The following PTPRN2 variants were observed in gnomAD, a reference collection of about 807,000 sequenced individuals.
PTPRN2 encodes receptor-type tyrosine-protein phosphatase N2.
A neutral mutation model predicts 118.8 loss-of-function variants in PTPRN2; 74 were observed. The observed-to-expected ratio is 0.62, with a 90% confidence interval of 0.52 to 0.76. The LOEUF (loss-of-function observed/expected upper bound fraction) is 0.76. PTPRN2 is among the 30% of genes least tolerant of loss of function. The pLI, the probability that PTPRN2 is intolerant of heterozygous loss-of-function variation, is 0.00. For synonymous variants in PTPRN2, 641 were observed against 608.0 expected (o/e 1.05, Z -0.80); for missense variants, 1,481 against 1,394.4 (o/e 1.06, Z -0.99).
At chr7:158,071,044 G>A (rs1298851392) in intron 11 of PTPRN2, among the ~76,000 whole-genome samples, 18 of 86,356 alleles carry the variant, frequency 2.1e-4, no homozygotes, top group African/African-American at 8.2e-4. Context: ...TTAGTATGGA[G>A]GTGCTCATGG....
chr7:157,947,633 C>T (rs1224794366), intron 11 of PTPRN2, among the ~76,000 whole-genome samples: 3 of 152,096 alleles, frequency 2.0e-5, no homozygotes, highest in South Asian at 4.1e-4. Context: ...AGGAAGCTGA[C>T]GAAATCATGT....
chr7:158,057,591 G>A (rs1809891667), intron 11 of PTPRN2, among the ~76,000 whole-genome samples: 1 of 152,228 alleles, frequency 6.6e-6, no homozygotes, highest in East Asian at 1.9e-4. Flanking sequence ...TGGAGTGGGT[G>A]AGGCAGACGG....
chr7:158,327,370 C>CAT (rs1167911652), intron 2 of PTPRN2, among the ~76,000 whole-genome samples: 1 of 130,202 alleles, frequency 7.7e-6, no homozygotes, highest in Non-Finnish European at 1.7e-5. Flanking sequence ...CATTGTCACA[C>CAT]ACACATTATC....
chr7:157,762,209 G>A (rs368819052), intron 12 of PTPRN2, among the ~76,000 whole-genome samples: 3 of 151,860 alleles, frequency 2.0e-5, no homozygotes, highest in Non-Finnish European at 2.9e-5. Context: ...ATCTAGAACT[G>A]GAAATACCAT....
At chr7:157,778,470 T>C (rs1369232967) in intron 12 of PTPRN2, among the ~76,000 whole-genome samples, 21 of 150,902 alleles carry the variant, frequency 1.4e-4, no homozygotes, top group African/African-American at 2.7e-4. Flanking sequence ...AATACAGGTG[T>C]TGGGTGCCCA....
Position 157,809,030 on chromosome 7 carries a change from T to C in PTPRN2, c.1788+89643A>G, listed in dbSNP as rs182347550. Among the ~76,000 whole-genome samples the C allele has an allele frequency of 6.2e-4, 95 of 152,362 alleles. 1 individual carries two copies. Among genetic ancestry groups the C allele is most frequent in the African/African-American group, 1.9e-3 (80 of 41,580 alleles). On this transcript the variant is annotated intron_variant, in intron 12 of 22. Transcript: ENST00000389418. ...TCCCGAAGTGTGCTGTGTCACTTGCTTTTATGTGGAATGTGGGCAATTTTT... is the reference window on the plus strand; with the variant it reads ...TCCCGAAGTGTGCTGTGTCACTTGCCTTTATGTGGAATGTGGGCAATTTTT...
intron 12 of PTPRN2, among the ~76,000 whole-genome samples, chr7:157,855,150 G>A (rs114783828): frequency 0.034 from 4,921 of 143,162 alleles, 345 homozygotes; most frequent in African/African-American, 0.12. Flanking sequence ...GGGTGTGTGC[G>A]GGGCCGGATC....
chr7:158,013,033 C>T (rs117383846), intron 11 of PTPRN2, among the ~76,000 whole-genome samples: 7,437 of 152,202 alleles, frequency 0.049, 244 homozygotes, highest in Admixed American at 0.083. Context: ...CACCCACAGG[C>T]GGGATGCCAA....
At chr7:157,668,099 C>T (rs895970677) in intron 13 of PTPRN2, among the ~76,000 whole-genome samples, 24 of 152,258 alleles carry the variant, frequency 1.6e-4, no homozygotes, top group Admixed American at 9.8e-4. Context: ...CCTCGCTCGC[C>T]GTAGAGCCGC....
At chr7:158,518,255 T>A (rs560972292) in intron 1 of PTPRN2, among the ~76,000 whole-genome samples, 2 of 151,412 alleles carry the variant, frequency 1.3e-5, no homozygotes, top group Non-Finnish European at 2.9e-5. Flanking sequence ...AGAGACGATA[T>A]GGATTTCACA....
chr7:157,678,190 G>A (rs1484639335), intron 13 of PTPRN2, among the ~76,000 whole-genome samples: 1 of 152,102 alleles, frequency 6.6e-6, no homozygotes, highest in Non-Finnish European at 1.5e-5. Flanking sequence ...AGCAGCATAG[G>A]TTTTGCTTAT....
rs1816757699 is a variant in PTPRN2 at position 158,438,658 on chromosome 7, T to C, written c.163+51077A>G. Among the ~76,000 whole-genome samples, 1 of 152,188 alleles carries C rather than the reference T, an allele frequency of 6.6e-6. No individual in the cohort carries two copies. The highest frequency in any genetic ancestry group is 2.1e-4 in the South Asian group (1 of 4,828). On this transcript the variant is annotated intron_variant, in intron 2 of 22. Coordinates refer to ENST00000389418, the MANE Select transcript of PTPRN2 (RefSeq NM_002847.5). This position sits in a 1 kb window ranked among gnomAD's most constrained non-coding sequence, Gnocchi z 4.7. ...CTGATCGTTGTTGATTTTCCTGGAA[T>C]TTGCTAATGATGAATCGTGCTGTGT...
intron 17 of PTPRN2, among the ~76,000 whole-genome samples, chr7:157,581,702 T>C (rs1422597378): frequency 6.6e-6 from 1 of 152,194 alleles, no homozygotes; most frequent in Admixed American, 6.5e-5. Flanking sequence ...TTAAAAACCA[T>C]ATTGTTGTTT....
At chr7:158,330,818 C>A (rs556486398) in intron 2 of PTPRN2, among the ~76,000 whole-genome samples, 10 of 100,106 alleles carry the variant, frequency 1.0e-4, no homozygotes, top group African/African-American at 1.7e-4. Flanking sequence ...GAGCTGACAC[C>A]CGCAGACGTC....
rs569604492 is a variant in PTPRN2 at position 157,845,523 on chromosome 7, C to T, written c.1788+53150G>A. 9.8e-4 allele frequency among the ~76,000 whole-genome samples: 149 copies of T among 152,316 alleles called. No homozygotes were observed. The highest frequency in any genetic ancestry group is 8.9e-3 in the Admixed American group (136 of 15,294). On this transcript the variant is annotated intron_variant, in intron 12 of 22. Coordinates refer to ENST00000389418, the MANE Select transcript of PTPRN2 (RefSeq NM_002847.5). This position sits in a 1 kb window ranked among gnomAD's most constrained non-coding sequence, Gnocchi z 4.5. ...CACGCAGCCTAACTCAGCATGTTCCCGGCCACATCCCGGTGAACCATGCAG... is the reference window on the plus strand; with the variant it reads ...CACGCAGCCTAACTCAGCATGTTCCTGGCCACATCCCGGTGAACCATGCAG...
At chr7:157,886,797 T>C (rs77920234) in intron 12 of PTPRN2, among the ~76,000 whole-genome samples, 2 of 22,956 alleles carry the variant, frequency 8.7e-5, no homozygotes, top group Non-Finnish European at 1.8e-4. Flanking sequence ...CTGAAGTCCT[T>C]GTCACAGAGA....
chr7:157,746,313 C>T (rs549638438), intron 12 of PTPRN2, among the ~76,000 whole-genome samples: 8 of 149,916 alleles, frequency 5.3e-5, no homozygotes, highest in South Asian at 2.1e-4. Flanking sequence ...ACAGTCCTCA[C>T]GGGGCCCTGA....
intron 1 of PTPRN2, among the ~76,000 whole-genome samples, chr7:158,514,706 T>C (rs963449972): frequency 1.3e-5 from 2 of 152,228 alleles, no homozygotes; most frequent in South Asian, 4.1e-4. Context: ...TTTACTGGAA[T>C]TTGCTTTTTC....
At chr7:158,391,975 C>A (rs546053377) in intron 2 of PTPRN2, among the ~76,000 whole-genome samples, 1 of 152,174 alleles carries the variant, frequency 6.6e-6, no homozygotes, top group African/African-American at 2.4e-5. Flanking sequence ...CTCCACCAGG[C>A]CCCCAGGGTG....
Sources: gnomAD v4.1 joint callset for allele counts (sites outside exome capture counted in the v4.1 genomes callset) on GRCh38, gnomAD v4.1.1 for gene constraint, Gnocchi (gnomAD v3.1) non-coding constraint, MANE v1.5 for transcripts, NCBI Gene and HGNC (gene_info 2026-07-23, HGNC 2026-07-21) for gene names.